IGSF10: variants seen among roughly 807,000 people sequenced by gnomAD.
The protein encoded by IGSF10 is immunoglobulin superfamily member 10, also known as calvaria mechanical force protein 608.
A neutral mutation model predicts 128.2 loss-of-function variants in IGSF10; 126 were observed. The observed-to-expected ratio is 0.98, with a 90% confidence interval of 0.85 to 1.14. IGSF10 has a LOEUF of 1.14. IGSF10 is among the 50% of genes most tolerant of loss of function. IGSF10 has a pLI of 0.00. For missense variants in IGSF10, 3,295 were observed against 3,149.8 expected (o/e 1.05, Z -1.10); for synonymous variants, 1,185 against 1,146.2 (o/e 1.03, Z -0.68).
At chr3:151,590,208 T>C in the IGSF10 span, among the ~76,000 whole-genome samples, 1 of 152,100 alleles carries the variant, frequency 6.6e-6, no homozygotes, top group African/African-American at 2.4e-5. Context: ...TTGGCTAATT[T>C]TAAAAAATTT....
chr3:151,601,799 A>C, the IGSF10 span, among the ~76,000 whole-genome samples: 5 of 152,262 alleles, frequency 3.3e-5, no homozygotes, highest in African/African-American at 1.2e-4. Flanking sequence ...AAACGAAATG[A>C]ACTCTAAAAT....
At chr3:151,440,630 A>G in intron 7 of IGSF10, 1 of 456,748 alleles carries the variant, frequency 2.2e-6, no homozygotes, top group Non-Finnish European at 4.4e-6. Flanking sequence ...CTATACTGGC[A>G]TTCTTTCCTA....
chr3:151,502,936 C>G, the IGSF10 span, among the ~76,000 whole-genome samples: 1 of 151,928 alleles, frequency 6.6e-6, no homozygotes, highest in Non-Finnish European at 1.5e-5. Flanking sequence ...GTGAGAAGGA[C>G]AGATATTAAA....
chr3:151,434,930 A>T (rs1719931160), downstream of IGSF10: 1 of 151,914 alleles, frequency 6.6e-6, no homozygotes, highest in African/African-American at 2.4e-5. Context: ...TTATGCTACG[A>T]CTCTAATTAA....
At chr3:151,547,189 A>G in the IGSF10 span, among the ~76,000 whole-genome samples, 1 of 152,022 alleles carries the variant, frequency 6.6e-6, no homozygotes, top group Non-Finnish European at 1.5e-5. Context: ...CCCTTTCACA[A>G]CCACACCGTC....
At chr3:151,589,188 C>G in the IGSF10 span, among the ~76,000 whole-genome samples, 2 of 151,932 alleles carry the variant, frequency 1.3e-5, no homozygotes, top group South Asian at 2.1e-4. Context: ...TTTCTAGAAG[C>G]CTTGTTAGCT....
chr3:151,553,903 C>CAGA, the IGSF10 span, among the ~76,000 whole-genome samples: 2 of 151,536 alleles, frequency 1.3e-5, no homozygotes, highest in Non-Finnish European at 2.9e-5. Flanking sequence ...CACTTGAAGA[C>CAGA]AGAAGGTGGA....
At chr3:151,539,572 T>C in the IGSF10 span, among the ~76,000 whole-genome samples, 1 of 152,128 alleles carries the variant, frequency 6.6e-6, no homozygotes, top group Admixed American at 6.6e-5. Context: ...TTCCCTCTTT[T>C]TACAGTTAAG....
the IGSF10 span, among the ~76,000 whole-genome samples, chr3:151,615,372 T>C: frequency 6.6e-6 from 1 of 152,124 alleles, no homozygotes; most frequent in African/African-American, 2.4e-5. Context: ...CAGACTTAAT[T>C]TTCATTTTAA....
chr3:151,469,411 G>A, the IGSF10 span, among the ~76,000 whole-genome samples: 5 of 151,978 alleles, frequency 3.3e-5, no homozygotes, highest in Non-Finnish European at 5.9e-5. Context: ...ATTAACATTG[G>A]GGCCCTTTTC....
At chr3:151,619,429 AAT>A in the IGSF10 span, among the ~76,000 whole-genome samples, 4 of 101,992 alleles carry the variant, frequency 3.9e-5, no homozygotes, top group Non-Finnish European at 8.1e-5. Flanking sequence ...AATTACTTTT[AAT>A]GTGTGTGTGT....
chr3:151,450,124 A>G (rs1374003738), intron 5 of IGSF10, among the ~76,000 whole-genome samples: 2 of 152,200 alleles, frequency 1.3e-5, no homozygotes, highest in Non-Finnish European at 2.9e-5. Flanking sequence ...CCAGCATTAT[A>G]AGGACCAGCA....
chr3:151,611,549 C>T, the IGSF10 span, among the ~76,000 whole-genome samples: 6 of 152,138 alleles, frequency 3.9e-5, no homozygotes, highest in African/African-American at 9.7e-5. Context: ...TAATGTCTTT[C>T]GGAATTTCTT....
the IGSF10 span, chr3:151,566,017 C>G: frequency 2.0e-5 from 3 of 153,136 alleles, no homozygotes; most frequent in Admixed American, 1.3e-4. Flanking sequence ...GGCAGGGGTC[C>G]AGTCCTGGGA....
the IGSF10 span, among the ~76,000 whole-genome samples, chr3:151,472,678 T>A: frequency 6.6e-6 from 1 of 152,162 alleles, no homozygotes; most frequent in East Asian, 1.9e-4. Flanking sequence ...CTCATGCTTC[T>A]CCTGCTCTCT....
chr3:151,484,937 C>T, the IGSF10 span, among the ~76,000 whole-genome samples: 1 of 152,070 alleles, frequency 6.6e-6, no homozygotes, highest in Non-Finnish European at 1.5e-5. Flanking sequence ...GGGAACAAAA[C>T]TGGATGGAGA....
chr3:151,567,638 C>T, the IGSF10 span, among the ~76,000 whole-genome samples: 28,919 of 152,026 alleles, frequency 0.19, 3,187 homozygotes, highest in South Asian at 0.45. Flanking sequence ...GTAACTAGCC[C>T]CCTACCTCTG....
chr3:151,542,492 A>G, the IGSF10 span, among the ~76,000 whole-genome samples: 1 of 152,142 alleles, frequency 6.6e-6, no homozygotes, highest in Non-Finnish European at 1.5e-5. Flanking sequence ...TCTCAACATC[A>G]GCTACATCCT....
the IGSF10 span, among the ~76,000 whole-genome samples, chr3:151,560,713 C>T: frequency 9.9e-5 from 15 of 152,056 alleles, no homozygotes; most frequent in African/African-American, 1.4e-4. Context: ...CCCCCCCCTC[C>T]GTCCCACAAT....
Sources: allele counts gnomAD v4.1 joint callset (sites outside exome capture counted in the v4.1 genomes callset), GRCh38; gene constraint gnomAD v4.1.1; transcripts MANE v1.5; gene names NCBI Gene and HGNC (gene_info 2026-07-23, HGNC 2026-07-21).